Variants in CALN1 observed in about 807,000 individuals in gnomAD.
CALN1 encodes the protein calcium-binding protein 8.
CALN1 carries 17 observed loss-of-function variants against 30.6 expected under a neutral mutation model. The observed-to-expected ratio is 0.56, with a 90% confidence interval of 0.38 to 0.83. The LOEUF (loss-of-function observed/expected upper bound fraction) is 0.83. CALN1 is among the 40% of genes least tolerant of loss of function. The pLI, the probability that CALN1 is intolerant of heterozygous loss-of-function variation, is 0.00. For missense variants in CALN1, 291 were observed against 354.9 expected (o/e 0.82, Z 1.45); for synonymous variants, 156 against 131.4 (o/e 1.19, Z -1.28).
chr7:72,473,149 C>T, the CALN1 span, among the ~76,000 whole-genome samples: 4 of 151,546 alleles, frequency 2.6e-5, no homozygotes, highest in African/African-American at 9.7e-5. Flanking sequence ...AGGGGTCTCA[C>T]TATGTTGCCT....
At chr7:72,081,074 T>C (rs957606805) in intron 4 of CALN1, among the ~76,000 whole-genome samples, 1 of 152,142 alleles carries the variant, frequency 6.6e-6, no homozygotes, top group African/African-American at 2.4e-5. Context: ...CAATTGATCA[T>C]GTCAGGCCTG....
At chr7:71,819,821 G>A (rs929206601) in intron 5 of CALN1, among the ~76,000 whole-genome samples, 11 of 152,024 alleles carry the variant, frequency 7.2e-5, no homozygotes, top group African/African-American at 2.7e-4. Context: ...TGTGTCATGT[G>A]TCAGAATTCC....
chr7:71,891,210 T>C (rs1205358801), intron 5 of CALN1, among the ~76,000 whole-genome samples: 2 of 152,246 alleles, frequency 1.3e-5, no homozygotes, highest in Non-Finnish European at 2.9e-5. Flanking sequence ...ATTTTTATTG[T>C]ATTAAAAATG....
At chr7:72,292,474 C>A (rs1037081541) in intron 2 of CALN1, among the ~76,000 whole-genome samples, 10 of 148,446 alleles carry the variant, frequency 6.7e-5, no homozygotes, top group African/African-American at 2.2e-4. Context: ...ATATCATGAC[C>A]CAATCACCTC....
At chr7:71,941,340 G>C (rs935897365) in intron 5 of CALN1, among the ~76,000 whole-genome samples, 4 of 138,306 alleles carry the variant, frequency 2.9e-5, no homozygotes, top group African/African-American at 1.1e-4. Flanking sequence ...GACAGAGTGA[G>C]ACTGCATCTC....
At chr7:71,891,820 T>G (rs1584458591) in intron 5 of CALN1, among the ~76,000 whole-genome samples, 1 of 152,310 alleles carries the variant, frequency 6.6e-6, no homozygotes, top group Non-Finnish European at 1.5e-5. Context: ...GGCTCACGCC[T>G]GTAATCCCAG....
intron 4 of CALN1, among the ~76,000 whole-genome samples, chr7:72,093,004 C>T (rs930948847): frequency 1.8e-4 from 27 of 152,148 alleles, no homozygotes; most frequent in African/African-American, 6.5e-4. Flanking sequence ...TAAGCCACTG[C>T]TATTTGGGGG....
chr7:72,307,815 T>G (rs1170839550), intron 2 of CALN1, among the ~76,000 whole-genome samples: 3 of 151,188 alleles, frequency 2.0e-5, no homozygotes, highest in Admixed American at 2.0e-4. Context: ...CAGAGGACAA[T>G]GACTGAAAGA....
chr7:72,384,700 C>A (rs1164852092), intron 2 of CALN1, among the ~76,000 whole-genome samples: 1 of 151,606 alleles, frequency 6.6e-6, no homozygotes, highest in Non-Finnish European at 1.5e-5. Context: ...AAACACAAAA[C>A]TATAAAACTT....
chr7:71,972,518 C>T (rs1797899301), intron 5 of CALN1, among the ~76,000 whole-genome samples: 1 of 151,940 alleles, frequency 6.6e-6, no homozygotes, highest in African/African-American at 2.4e-5. Context: ...AAAGAACAGA[C>T]CTAAAGTGGG....
chr7:72,054,548 T>TATACATACATATATATATAC lies in CALN1; in HGVS notation c.389-30780_389-30779insGTATATATATATGTATGTAT, dbSNP rs1268543272. On this transcript the variant is annotated intron_variant, in intron 4 of 6. Coordinates refer to ENST00000395275, the MANE Select transcript of CALN1 (RefSeq NM_031468.4). ...ATATACATACATATATATATACATA[T>TATACATACATATATATATAC]ATATATATATATAATGGAATACTAT... Among the ~76,000 whole-genome samples the TATACATACATATATATATAC allele has an allele frequency of 3.7e-3, 501 of 134,092 alleles. 5 individuals are homozygous for TATACATACATATATATATAC. Among genetic ancestry groups the TATACATACATATATATATAC allele is most frequent in the African/African-American group, 0.013 (447 of 34,924 alleles). 88.0% of individuals were successfully genotyped at this position (134,092 alleles called of 152,430 possible). A position where few individuals can be genotyped will look rare whatever the true frequency, so the allele number is the denominator to read the frequency against.
chr7:72,379,925 T>C (rs146577172), intron 2 of CALN1, among the ~76,000 whole-genome samples: 1 of 152,246 alleles, frequency 6.6e-6, no homozygotes, highest in Non-Finnish European at 1.5e-5. Flanking sequence ...CTTCTCCCAC[T>C]CACTCAACTT....
chr7:72,282,052 T>C lies in CALN1; in HGVS notation c.120-3242A>G, dbSNP rs138271832. ...ACCATGAGCAATGGAACGATCCATA[T>C]AGATATATAAAGTCATGTTCAAGAA... On this transcript the variant is annotated intron_variant, in intron 2 of 6. Coordinates refer to ENST00000395275, the MANE Select transcript of CALN1 (RefSeq NM_031468.4). Among the ~76,000 whole-genome samples, 392 of 152,276 alleles carry C rather than the reference T, an allele frequency of 2.6e-3. 7 individuals are homozygous for C. Among genetic ancestry groups the C allele is most frequent in the East Asian group, 0.022 (116 of 5,176 alleles).
upstream of CALN1, among the ~76,000 whole-genome samples, chr7:72,449,372 T>C (rs1438959579): frequency 6.6e-6 from 1 of 151,990 alleles, no homozygotes; most frequent in Non-Finnish European, 1.5e-5. Flanking sequence ...ATGGCCACAA[T>C]CTCCCAGATC....
At chr7:72,220,586 T>G (rs1793212563) in intron 3 of CALN1, among the ~76,000 whole-genome samples, 1 of 152,200 alleles carries the variant, frequency 6.6e-6, no homozygotes, top group South Asian at 2.1e-4. Flanking sequence ...TCAAATGGGA[T>G]TTCTAGTTCT....
At chr7:72,289,603 G>C (rs1276898436) in intron 2 of CALN1, among the ~76,000 whole-genome samples, 1 of 152,056 alleles carries the variant, frequency 6.6e-6, no homozygotes, top group African/African-American at 2.4e-5. Context: ...CATGGATTTG[G>C]AAAGAGATGT....
intron 5 of CALN1, among the ~76,000 whole-genome samples, chr7:71,972,003 G>T (rs1435156422): frequency 7.9e-6 from 1 of 126,314 alleles, no homozygotes; most frequent in Middle Eastern, 4.1e-3. Context: ...GAGAAAGAAA[G>T]AAAAAAAGAA....
chr7:72,212,648 C>G (rs565351267), intron 3 of CALN1, among the ~76,000 whole-genome samples: 1 of 151,880 alleles, frequency 6.6e-6, no homozygotes, highest in East Asian at 2.0e-4. Context: ...GACTCCATCA[C>G]TACAAAGAAT....
chr7:72,122,637 G>A (rs186748574), intron 3 of CALN1, among the ~76,000 whole-genome samples: 34 of 152,166 alleles, frequency 2.2e-4, no homozygotes, highest in Non-Finnish European at 4.3e-4. Flanking sequence ...GAGGTGGGGG[G>A]ATCACTTGAG....
Sources: allele counts gnomAD v4.1 joint callset (sites outside exome capture counted in the v4.1 genomes callset), GRCh38; gene constraint gnomAD v4.1.1; transcripts MANE v1.5; gene names NCBI Gene and HGNC (gene_info 2026-07-23, HGNC 2026-07-21).